Variants in CATSPERD observed in about 807,000 individuals in gnomAD.
CATSPERD encodes cation channel sperm-associated auxiliary subunit delta.
In CATSPERD, 86 loss-of-function variants were observed where a neutral mutation model predicts 98.1. The ratio of observed to expected loss-of-function variants is 0.88; its 90% CI spans 0.74 to 1.05. The LOEUF (loss-of-function observed/expected upper bound fraction) is 1.05, where lower values mean the gene tolerates loss of function less well. Among genes scored for constraint, CATSPERD ranks in the 50% least tolerant of loss-of-function variants. The pLI is 0.00. For synonymous variants in CATSPERD, 394 were observed against 390.2 expected, an observed-to-expected ratio of 1.01 and a Z score of -0.12; for missense variants, 995 against 1,005.7, an observed-to-expected ratio of 0.99 and a Z score of 0.14.
intron 19 of CATSPERD, among the ~76,000 whole-genome samples, chr19:5,771,381 T>G (rs895372915): frequency 6.6e-6 from 1 of 152,164 alleles, no homozygotes; most frequent in Non-Finnish European, 1.5e-5. Context: ...CCCAGGTAGC[T>G]GGGACCACAG....
chr19:5,744,331 C>A (rs2056054483), intron 7 of CATSPERD, 96 bp from the exon 8 acceptor site: 1 of 1,068,306 alleles, frequency 9.4e-7, no homozygotes, highest in African/African-American at 1.6e-5. Context: ...AAAAGACTTT[C>A]CTTCATTGTA....
rs758400721 is a variant in CATSPERD at position 5,768,152 on chromosome 19, C to A, written c.1560-16C>A. On this transcript the variant is annotated splice_polypyrimidine_tract_variant and intron_variant, in intron 17 of 21. Transcript: ENST00000381624. The stretch of plus-strand genomic sequence containing the variant: ...GTGAGGTCATGCCATTGCTCAATGT[C>A]CACTTTTGCTTGCAGCAAAGTTTCC... The A allele has an allele frequency of 2.0e-5, 33 of 1,610,818 alleles. No individual in the cohort carries two copies. In the South Asian group the frequency reaches 3.6e-4, roughly 18 times the overall value.
At chr19:5,778,007 G>A (rs2056763983) in intron 21 of CATSPERD, among the ~76,000 whole-genome samples, 1 of 151,884 alleles carries the variant, frequency 6.6e-6, no homozygotes, top group Non-Finnish European at 1.5e-5. Context: ...TCAGGAGTTC[G>A]AGACCAGCCT....
rs1415538731 is a variant in CATSPERD, at chr19:5,751,683, C to T, written c.1024C>T (p.Leu342=). 1.2e-6 allele frequency: 2 copies of T among 1,611,868 alleles called. No individual in the cohort carries two copies. The highest frequency in any genetic ancestry group is 2.2e-5 in the South Asian group (2 of 90,938). ...ATACATCTGGTCAGAAGACGTGGCC[C>T]TGATGTTCAGGAGCCCAGGGACTCT... ...DQYIWSEDVA[L]MFRSPGTLEI... Residue 342 remains leucine (L), a synonymous_variant, in exon 12 of 22, where the codon CTG becomes TTG. Coordinates refer to ENST00000381624, the MANE Select transcript of CATSPERD (RefSeq NM_152784.4).
chr19:5,778,276 T>A, intron 21 of CATSPERD, 100 bp from the exon 22 acceptor site: 1 of 1,034,242 alleles, frequency 9.7e-7, no homozygotes, highest in Non-Finnish European at 1.4e-6. Context: ...GCTGTGGGCC[T>A]GGTTCTCCCT....
At chr19:5,747,865 G>A (rs1028568185) in intron 9 of CATSPERD, among the ~76,000 whole-genome samples, 9 of 152,110 alleles carry the variant, frequency 5.9e-5, no homozygotes, top group Non-Finnish European at 1.3e-4. Flanking sequence ...GCCCACCTCA[G>A]CCTCCCAAAG....
chr19:5,751,408 T>C lies in CATSPERD; in HGVS notation c.988-239T>C, dbSNP rs1456200712. Among the ~76,000 whole-genome samples, 5 of 143,854 alleles carry C rather than the reference T, an allele frequency of 3.5e-5. No individual in the cohort carries two copies. The East Asian group carries it at 8.3e-4, about 24-fold the overall frequency. 94.4% of individuals were successfully genotyped at this position (143,854 alleles called of 152,430 possible). ...ATTAGCCGGGTGTGGTGGCTGCGCG[T>C]CTGTAGTCCCAGCTACTCGGGAGGC... On this transcript the variant is annotated intron_variant, in intron 11 of 21. Transcript: ENST00000381624.
At chr19:5,746,486 T>TG (rs1396913444) in intron 9 of CATSPERD, among the ~76,000 whole-genome samples, 1 of 152,084 alleles carries the variant, frequency 6.6e-6, no homozygotes, top group Admixed American at 6.6e-5. Context: ...TAGAGTGCAG[T>TG]GGCGCGATCT....
intron 3 of CATSPERD, among the ~76,000 whole-genome samples, chr19:5,728,885 G>T (rs1343465530): frequency 6.6e-6 from 1 of 150,834 alleles, no homozygotes; most frequent in Non-Finnish European, 1.5e-5. Flanking sequence ...TTTTAGTAAA[G>T]ACAGAGTTTT....
rs138201599 is a variant in CATSPERD at position 5,753,314 on chromosome 19, G to A, written c.1165-818G>A. ...GGTGGCTCACGCCTGTAATCCCAGCGCTTTGGGAGGCTAAGGTGGGTGGAT... is the reference window on the plus strand; with the variant it reads ...GGTGGCTCACGCCTGTAATCCCAGCACTTTGGGAGGCTAAGGTGGGTGGAT... On this transcript the variant is annotated intron_variant, in intron 12 of 21. Coordinates refer to ENST00000381624, the MANE Select transcript of CATSPERD (RefSeq NM_152784.4). Among the ~76,000 whole-genome samples the A allele has an allele frequency of 6.8e-3, 1,034 of 151,732 alleles. 9 individuals are homozygous for A. The highest frequency in any genetic ancestry group is 0.01 in the Non-Finnish European group (708 of 67,892).
At position 5,753,423 on chromosome 19, in the gene CATSPERD, G is replaced by A. The variant is rs141214958; in HGVS notation, c.1165-709G>A. The A allele has an allele frequency of 6.8e-3, 1,119 of 163,468 alleles. 15 individuals are homozygous for A. The highest frequency in any genetic ancestry group is 0.025 in the African/African-American group (1,025 of 41,604). 10.1% of individuals were successfully genotyped at this position (163,468 alleles called of 1,614,324 possible). A position where few individuals can be genotyped will look rare whatever the true frequency, so the allele number is the denominator to read the frequency against. On this transcript the variant is annotated intron_variant, in intron 12 of 21. Coordinates refer to ENST00000381624, the MANE Select transcript of CATSPERD (RefSeq NM_152784.4). Reference sequence around the variant, plus strand: ...AATACAAAAAAAAAATTAGCTGGGCGTGGTGGTGGGCGCCTATAGTCTCAG... The same window carrying A: ...AATACAAAAAAAAAATTAGCTGGGCATGGTGGTGGGCGCCTATAGTCTCAG...
intron 1 of CATSPERD, among the ~76,000 whole-genome samples, chr19:5,721,068 G>A (rs578120033): frequency 3.5e-5 from 5 of 141,608 alleles, no homozygotes; most frequent in African/African-American, 7.9e-5. Flanking sequence ...GCGCGATCTC[G>A]GCTCACTGCA....
chr19:5,771,947 TTTTTC>T (rs780530192), intron 19 of CATSPERD: 18 of 183,600 alleles, frequency 9.8e-5, no homozygotes, highest in Middle Eastern at 2.6e-3. Flanking sequence ...ATAGCTTTTC[TTTTTC>T]TTTTCTTTTT....
intron 20 of CATSPERD, among the ~76,000 whole-genome samples, chr19:5,773,209 G>A (rs1274046316): frequency 2.0e-5 from 3 of 152,134 alleles, no homozygotes; most frequent in Admixed American, 6.6e-5. Flanking sequence ...AAAATCAGTC[G>A]GGCATGGTGG....
chr19:5,751,307 G>A (rs1437306164), intron 11 of CATSPERD, among the ~76,000 whole-genome samples: 2 of 145,952 alleles, frequency 1.4e-5, no homozygotes, highest in African/African-American at 2.5e-5. Context: ...GGCGGATCAC[G>A]AGGTCAGGAG....
chr19:5,748,474 T>C (rs369486913), intron 10 of CATSPERD, among the ~76,000 whole-genome samples: 25 of 151,384 alleles, frequency 1.7e-4, no homozygotes, highest in Middle Eastern at 3.4e-3. Flanking sequence ...CTACTAAAAA[T>C]ACAAAAATAA....
intron 18 of CATSPERD, among the ~76,000 whole-genome samples, chr19:5,770,014 G>A (rs867024779): frequency 6.6e-6 from 1 of 151,578 alleles, no homozygotes; most frequent in South Asian, 2.1e-4. Context: ...TCTTCAACCC[G>A]GGAGGCGGAG....
At position 5,741,791 on chromosome 19, in the gene CATSPERD, GGGGGGGGT is replaced by G. The variant is rs1223629065; in HGVS notation, c.573+2355_573+2362del. 4.1e-5 allele frequency among the ~76,000 whole-genome samples: 4 copies of G among 96,606 alleles called. 1 individual carries two copies. Among genetic ancestry groups the G allele is most frequent in the Non-Finnish European group, 9.7e-5 (4 of 41,054 alleles). 63.4% of individuals were successfully genotyped at this position (96,606 alleles called of 152,430 possible). On this transcript the variant is annotated intron_variant, in intron 7 of 21. Transcript: ENST00000381624. Reference sequence around the variant, plus strand: ...CACTTTGGGATGCTGAAGGCGGGGGGGGGGGGGTGGTGTGGATCACTTGAGGTCAGGAG... The same window carrying G: ...CACTTTGGGATGCTGAAGGCGGGGGGGGTGTGGATCACTTGAGGTCAGGAG...
intron 20 of CATSPERD, among the ~76,000 whole-genome samples, chr19:5,773,588 A>G (rs570060863): frequency 5.3e-5 from 8 of 152,050 alleles, no homozygotes; most frequent in Non-Finnish European, 1.2e-4. Context: ...CAGTGGTGCA[A>G]TCTCAGCTCA....
Sources: allele counts gnomAD v4.1 joint callset (sites outside exome capture counted in the v4.1 genomes callset), GRCh38; gene constraint gnomAD v4.1.1; transcripts MANE v1.5; gene names NCBI Gene and HGNC (gene_info 2026-07-23, HGNC 2026-07-21).